EFHC2: variants seen among roughly 807,000 people sequenced by gnomAD.
EFHC2 encodes the protein EF-hand domain containing 2, also known as EF-hand domain-containing family member C2.
A neutral mutation model predicts 52.7 loss-of-function variants in EFHC2; 18 were observed. The observed-to-expected ratio is 0.34, with a 90% CI of 0.24 to 0.51. EFHC2 has a LOEUF of 0.51. Ranked by LOEUF, EFHC2 falls within the 20% of genes least tolerant of loss-of-function variation. The pLI, the probability that EFHC2 is intolerant of heterozygous loss-of-function variation, is 0.97. For synonymous variants in EFHC2, 203 were observed against 204.1 expected, an observed-to-expected ratio of 0.99 and a Z score of 0.04; for missense variants, 513 against 562.5, an observed-to-expected ratio of 0.91 and a Z score of 0.89.
At chrX:44,292,465 G>A (rs1175450147) in intron 2 of EFHC2, among the ~76,000 whole-genome samples, 2 of 111,791 alleles carry the variant, frequency 1.8e-5, no homozygotes, top group Admixed American at 1.9e-4. Flanking sequence ...ACAAAGTTGT[G>A]TACATTGAAC....
intron 7 of EFHC2, among the ~76,000 whole-genome samples, chrX:44,248,007 G>T (rs1456559120): frequency 9.0e-6 from 1 of 111,478 alleles, no homozygotes; most frequent in Non-Finnish European, 1.9e-5. Context: ...TTCAAATCTT[G>T]GCTCACTCTT....
At chrX:44,167,508 T>C (rs2036705089) in intron 13 of EFHC2, among the ~76,000 whole-genome samples, 2 of 112,647 alleles carry the variant, frequency 1.8e-5, no homozygotes. Context: ...CATTGAACCA[T>C]TTATCCATTT....
chrX:44,170,729 C>T (rs1354543250), intron 13 of EFHC2, among the ~76,000 whole-genome samples: 1 of 111,496 alleles, frequency 9.0e-6, no homozygotes, highest in Admixed American at 9.4e-5. Flanking sequence ...CCACCTGAGT[C>T]CCCTGCTTCA....
At chrX:44,217,744 G>C (rs1392550509) in intron 11 of EFHC2, among the ~76,000 whole-genome samples, 1 of 110,330 alleles carries the variant, frequency 9.1e-6, no homozygotes, top group East Asian at 2.8e-4. Context: ...GATGGTTAAT[G>C]GGTACAAAAA....
intron 13 of EFHC2, among the ~76,000 whole-genome samples, chrX:44,169,048 T>C (rs915377467): frequency 3.6e-5 from 4 of 110,960 alleles, no homozygotes; most frequent in African/African-American, 1.3e-4. Flanking sequence ...ATGTGAGATA[T>C]GAGGATGTAT....
At chrX:44,276,715 G>C (rs1015721472) in intron 2 of EFHC2, among the ~76,000 whole-genome samples, 1 of 111,872 alleles carries the variant, frequency 8.9e-6, no homozygotes, top group Non-Finnish European at 1.9e-5. Context: ...CAAACAGCTG[G>C]ATTTTAACAT....
intron 7 of EFHC2, among the ~76,000 whole-genome samples, chrX:44,246,471 A>G (rs759795839): frequency 5.2e-4 from 58 of 112,565 alleles, no homozygotes; most frequent in Admixed American, 1.0e-3. Flanking sequence ...TTCTGTTTAA[A>G]TGCATAATGC....
Position 44,242,170 on chromosome X carries a change from T to C in EFHC2, c.1231A>G (p.Lys411Glu). 1 of 1,207,621 alleles carries C rather than the reference T, an allele frequency of 8.3e-7. No individual in the cohort carries two copies. Residue 411 changes from lysine to glutamate, a missense_variant, in exon 8 of 15, where the codon AAG becomes GAG. Coordinates refer to ENST00000420999, the MANE Select transcript of EFHC2 (RefSeq NM_025184.4). ...EDSLRNCIDLKPTPHRRNFKK... is the reference protein window; with the variant it reads ...EDSLRNCIDLEPTPHRRNFKK... ...AAGTTCCTCCGATGAGGTGTGGGCT[T>C]GAGGTCTATGCAGTTACGGAGAGAA...
chrX:44,328,615 T>C (rs770921079), intron 1 of EFHC2, among the ~76,000 whole-genome samples: 1 of 112,111 alleles, frequency 8.9e-6, no homozygotes, highest in South Asian at 3.7e-4. Flanking sequence ...AGATGGAAAA[T>C]TGAAAGTATC....
intron 11 of EFHC2, among the ~76,000 whole-genome samples, chrX:44,187,615 C>T (rs1218522498): frequency 1.8e-5 from 2 of 111,044 alleles, no homozygotes; most frequent in South Asian, 3.8e-4. Flanking sequence ...AGCAAGACCC[C>T]GTCTCTACAG....
chrX:44,242,057 CTA>C (rs2037363224), intron 8 of EFHC2, 62 bp downstream of exon 8: 2 of 1,063,100 alleles, frequency 1.9e-6, no homozygotes, highest in African/African-American at 3.8e-5. Flanking sequence ...GTCATGAGAA[CTA>C]TGTTATAAAC....
At chrX:44,320,809 C>G (rs1023617988) in intron 1 of EFHC2, among the ~76,000 whole-genome samples, 12 of 109,965 alleles carry the variant, frequency 1.1e-4, no homozygotes, top group African/African-American at 4.0e-4. Flanking sequence ...TCCATTCACT[C>G]CTGCACTCTG....
intron 8 of EFHC2, 54 bp from the exon 9 acceptor site, chrX:44,235,501 T>C (rs2037312758): frequency 1.8e-6 from 2 of 1,082,516 alleles, no homozygotes; most frequent in Non-Finnish European, 1.2e-6. Flanking sequence ...CTTCCACATA[T>C]TATGTTTTTA....
At position 44,309,624 on chromosome X, in the gene EFHC2, C is replaced by T. The variant is rs2037931252; in HGVS notation, c.231+2944G>A. ...TAATTATTTCTCTCACTTTCTCCTC[C>T]GATGGTTTGTGTACCAGGTGTTTGA... On this transcript the variant is annotated intron_variant, in intron 2 of 14. Coordinates refer to ENST00000420999, the MANE Select transcript of EFHC2 (RefSeq NM_025184.4). 8.7e-6 allele frequency: 10 copies of T among 1,153,756 alleles called. No homozygotes were observed. In the South Asian group the frequency reaches 1.4e-4, roughly 17 times the overall value.
chrX:44,256,209 A>T (rs970623823), intron 4 of EFHC2, among the ~76,000 whole-genome samples: 3 of 111,527 alleles, frequency 2.7e-5, no homozygotes, highest in African/African-American at 9.8e-5. Flanking sequence ...AAATCAACAC[A>T]CTAACATCAC....
chrX:44,197,994 T>C (rs1462013113), intron 11 of EFHC2, among the ~76,000 whole-genome samples: 1 of 112,455 alleles, frequency 8.9e-6, no homozygotes, highest in Admixed American at 9.4e-5. Flanking sequence ...TGTTAGCAAC[T>C]AAATGGCTAT....
At chrX:44,304,338 G>A (rs2037888854) in intron 2 of EFHC2, among the ~76,000 whole-genome samples, 1 of 111,952 alleles carries the variant, frequency 8.9e-6, no homozygotes, top group African/African-American at 3.2e-5. Context: ...CTGCATTATA[G>A]TTAAGGAAAC....
intron 11 of EFHC2, among the ~76,000 whole-genome samples, chrX:44,182,184 C>A (rs1346960814): frequency 8.9e-6 from 1 of 112,000 alleles, no homozygotes; most frequent in Non-Finnish European, 1.9e-5. Flanking sequence ...AATATGTATT[C>A]TTTTGTGATT....
intron 11 of EFHC2, among the ~76,000 whole-genome samples, chrX:44,200,460 C>T (rs2036998263): frequency 2.7e-5 from 3 of 110,854 alleles, no homozygotes; most frequent in African/African-American, 9.8e-5. Context: ...GAACAAGATG[C>T]TACGGAAAAG....
Sources: allele counts gnomAD v4.1 joint callset (sites outside exome capture counted in the v4.1 genomes callset), GRCh38; gene constraint gnomAD v4.1.1; transcripts MANE v1.5; gene names NCBI Gene and HGNC (gene_info 2026-07-23, HGNC 2026-07-21).